Variants in ZFHX3 observed in about 807,000 individuals in gnomAD.
ZFHX3 encodes zinc finger homeobox protein 3.
ZFHX3 carries 42 observed loss-of-function variants against 279.1 expected under a neutral mutation model. That is an observed-to-expected ratio of 0.15 (90% CI 0.12 to 0.19). The LOEUF (loss-of-function observed/expected upper bound fraction) is 0.19. Among genes scored for constraint, ZFHX3 ranks in the 10% least tolerant of loss-of-function variants. The pLI is 1.00. For synonymous variants in ZFHX3, 2,293 were observed against 1,957.8 expected, an observed-to-expected ratio of 1.17 and a Z score of -4.52; for missense variants, 4,981 against 4,754.0, an observed-to-expected ratio of 1.05 and a Z score of -1.40.
chr16:73,563,392 G>C (rs949682137), intron 2 of ZFHX3, among the ~76,000 whole-genome samples: 3 of 151,882 alleles, frequency 2.0e-5, no homozygotes, highest in Admixed American at 6.6e-5. Context: ...AAGTAGCTGG[G>C]ACTACAGGCA....
chr16:73,153,674 G>T lies in ZFHX3; in HGVS notation c.-1103-9843C>A, dbSNP rs114855588. 3.7e-3 allele frequency among the ~76,000 whole-genome samples: 568 copies of T among 151,940 alleles called. 1 individual carries two copies. Among genetic ancestry groups the T allele is most frequent in the African/African-American group, 0.013 (551 of 41,448 alleles). On this transcript the variant is annotated intron_variant, in intron 5 of 17. Coordinates refer to the ZFHX3 transcript ENST00000641206. ...TTTATTTTATTTTATTTTTTGAGATGGGGTCTAGTCCTGTCGCCAGGCTGG... is the reference window on the plus strand; with the variant it reads ...TTTATTTTATTTTATTTTTTGAGATTGGGTCTAGTCCTGTCGCCAGGCTGG...
chr16:73,709,386 TA>T (rs1447859188), intron 1 of ZFHX3, among the ~76,000 whole-genome samples: 6 of 146,480 alleles, frequency 4.1e-5, no homozygotes, highest in East Asian at 2.0e-4. Flanking sequence ...TCCTGTCTCT[TA>T]AAAAAAAAGA....
Position 72,800,132 on chromosome 16 carries a change from G to T in ZFHX3, c.3865-3C>A. On this transcript the variant is annotated splice_polypyrimidine_tract_variant and splice_region_variant and intron_variant, in intron 7 of 9. Transcript: ENST00000268489. ...ATCACCATCTCAGGGGTGGTCACCTGAGGAGCAAGAGCAAGGAGAGTCAAA... is the reference window on the plus strand; with the variant it reads ...ATCACCATCTCAGGGGTGGTCACCTTAGGAGCAAGAGCAAGGAGAGTCAAA... 1 of 1,612,914 alleles carries T rather than the reference G, an allele frequency of 6.2e-7. No homozygotes were observed. Among genetic ancestry groups the T allele is most frequent in the Non-Finnish European group, 8.5e-7 (1 of 1,178,918 alleles).
chr16:73,129,700 GTGTGTGCATGTGTA>G (rs1169330362), intron 7 of ZFHX3, among the ~76,000 whole-genome samples: 6 of 141,866 alleles, frequency 4.2e-5, no homozygotes, highest in African/African-American at 1.6e-4. Flanking sequence ...GCATGTGCAT[GTGTGTGCATGTGTA>G]TGTGTGTGTG....
At chr16:73,518,762 G>A (rs891101511) in intron 2 of ZFHX3, among the ~76,000 whole-genome samples, 2 of 152,136 alleles carry the variant, frequency 1.3e-5, no homozygotes, top group African/African-American at 4.8e-5. Flanking sequence ...CCGTTCTGCC[G>A]TATTGCCTGC....
chr16:73,746,911 T>C (rs1187545029), intron 1 of ZFHX3, among the ~76,000 whole-genome samples: 1 of 152,236 alleles, frequency 6.6e-6, no homozygotes. Flanking sequence ...ATAAGGACTG[T>C]GTTTTAGATT....
At chr16:73,683,007 GAAAGAGA>G in intron 1 of ZFHX3, among the ~76,000 whole-genome samples, 2 of 79,686 alleles carry the variant, frequency 2.5e-5, no homozygotes, top group Non-Finnish European at 6.2e-5. Flanking sequence ...AAGAAAGAAA[GAAAGAGA>G]AAGGAGGGAG....
At chr16:73,242,809 C>T (rs980896982) in intron 5 of ZFHX3, among the ~76,000 whole-genome samples, 2 of 152,178 alleles carry the variant, frequency 1.3e-5, no homozygotes, top group Non-Finnish European at 2.9e-5. Flanking sequence ...TAACACTGGC[C>T]ATTTCAAGGT....
intron 2 of ZFHX3, among the ~76,000 whole-genome samples, chr16:73,548,797 T>G (rs966014319): frequency 1.3e-5 from 2 of 152,192 alleles, no homozygotes. Flanking sequence ...GCCTTTGAAT[T>G]GCTATGTAAA....
At chr16:73,047,586 G>C (rs2144718949) in intron 1 of ZFHX3, among the ~76,000 whole-genome samples, 166 bp downstream of exon 1, 1 of 152,272 alleles carries the variant, frequency 6.6e-6, no homozygotes, top group African/African-American at 2.4e-5. Flanking sequence ...GCAGAATTTA[G>C]GCGCTCTCAC....
At chr16:73,036,125 C>T (rs957353541) in intron 1 of ZFHX3, among the ~76,000 whole-genome samples, 2 of 152,324 alleles carry the variant, frequency 1.3e-5, no homozygotes, top group South Asian at 2.1e-4. Flanking sequence ...CGCGTGCGCG[C>T]GCATAGACAG....
chr16:73,575,674 CTATT>C (rs1198984103), intron 2 of ZFHX3, among the ~76,000 whole-genome samples: 1 of 152,138 alleles, frequency 6.6e-6, no homozygotes, highest in Admixed American at 6.5e-5. Context: ...TCTTCCATCT[CTATT>C]TGTGTCAGTT....
At chr16:73,267,494 G>C (rs1178912472) in intron 4 of ZFHX3, among the ~76,000 whole-genome samples, 1 of 152,262 alleles carries the variant, frequency 6.6e-6, no homozygotes, top group East Asian at 1.9e-4. Context: ...CAGCATCCCA[G>C]TCTTACAAAT....
chr16:73,868,833 C>T (rs955126197), intron 1 of ZFHX3, among the ~76,000 whole-genome samples: 1 of 151,846 alleles, frequency 6.6e-6, no homozygotes, highest in African/African-American at 2.4e-5. Context: ...TTGCCAAGCT[C>T]CATATTTTTA....
intron 2 of ZFHX3, among the ~76,000 whole-genome samples, chr16:72,957,124 G>T (rs1347604037): frequency 1.3e-5 from 2 of 152,124 alleles, no homozygotes; most frequent in Admixed American, 6.5e-5. Flanking sequence ...TTTTCAAATT[G>T]AAAGAAGAGA....
chr16:72,955,776 C>CAAAAA (rs11441187), intron 2 of ZFHX3, among the ~76,000 whole-genome samples: 2 of 106,120 alleles, frequency 1.9e-5, no homozygotes, highest in Non-Finnish European at 3.6e-5. Context: ...GACTCTGTCT[C>CAAAAA]AAAAAAAAAA....
At chr16:73,886,508 ACTT>A (rs1272148767) in intron 1 of ZFHX3, among the ~76,000 whole-genome samples, 2 of 152,208 alleles carry the variant, frequency 1.3e-5, no homozygotes, top group Non-Finnish European at 2.9e-5. Flanking sequence ...CTCAGAAAGC[ACTT>A]CTTATGCCTC....
chr16:73,797,376 G>A (rs1301870736), intron 1 of ZFHX3, among the ~76,000 whole-genome samples: 6 of 152,138 alleles, frequency 3.9e-5, no homozygotes, highest in Non-Finnish European at 2.9e-5. Context: ...GCTCCTGTAG[G>A]GCCAGAGCCC....
At chr16:73,670,001 C>T (rs983684) in intron 2 of ZFHX3, among the ~76,000 whole-genome samples, 138,547 of 152,322 alleles carry the variant, frequency 0.91, 63,067 homozygotes, top group East Asian at 0.98. Context: ...GAAGATTAAA[C>T]ATTTATATGA....
Sources: allele counts gnomAD v4.1 joint callset (sites outside exome capture counted in the v4.1 genomes callset), GRCh38; gene constraint gnomAD v4.1.1; transcripts MANE v1.5; gene names NCBI Gene and HGNC (gene_info 2026-07-23, HGNC 2026-07-21).